FER: variants seen among roughly 807,000 people sequenced by gnomAD.
The protein encoded by FER is FER tyrosine kinase.
Under a neutral mutation model 111.0 loss-of-function variants are expected in FER, and 63 were observed. The observed-to-expected ratio is 0.57, with a 90% CI of 0.46 to 0.70. The LOEUF is 0.70. Among genes scored for constraint, FER ranks in the 30% least tolerant of loss-of-function variants. The pLI is 0.00. For synonymous variants in FER, 327 were observed against 313.9 expected (o/e 1.04, Z -0.44); for missense variants, 914 against 954.0 (o/e 0.96, Z 0.55).
chr5:108,996,507 T>G (rs1336303635), intron 13 of FER, among the ~76,000 whole-genome samples: 2 of 152,370 alleles, frequency 1.3e-5, no homozygotes, highest in East Asian at 1.9e-4. Context: ...AACACAATTA[T>G]TAAATAGGGA....
At chr5:108,987,362 CTT>C (rs1341068946) in intron 13 of FER, among the ~76,000 whole-genome samples, 8 of 152,186 alleles carry the variant, frequency 5.3e-5, no homozygotes, top group African/African-American at 1.9e-4. Context: ...AGGAGAATCG[CTT>C]GAACCTGGGA....
intron 1 of FER, among the ~76,000 whole-genome samples, chr5:108,751,602 A>G (rs190131839): frequency 6.6e-6 from 1 of 152,348 alleles, no homozygotes; most frequent in Admixed American, 6.5e-5. Context: ...AAATTTTGGT[A>G]ACTTGATAAA....
intron 17 of FER, among the ~76,000 whole-genome samples, chr5:109,165,807 G>C (rs1194510930): frequency 6.6e-6 from 1 of 152,132 alleles, no homozygotes; most frequent in Non-Finnish European, 1.5e-5. Flanking sequence ...TTAAAGTAAG[G>C]TGGAACTTGG....
intron 13 of FER, among the ~76,000 whole-genome samples, chr5:108,962,494 G>T (rs1363229464): frequency 1.3e-5 from 2 of 152,058 alleles, no homozygotes; most frequent in Non-Finnish European, 2.9e-5. Flanking sequence ...TATATTATAT[G>T]ATGTATTTTT....
At chr5:109,079,871 A>T (rs1397597260) in intron 16 of FER, among the ~76,000 whole-genome samples, 2 of 152,048 alleles carry the variant, frequency 1.3e-5, no homozygotes, top group Non-Finnish European at 2.9e-5. Flanking sequence ...TCCTGACCCC[A>T]TTTCTAGACT....
intron 16 of FER, among the ~76,000 whole-genome samples, chr5:109,082,122 C>T (rs1458323857): frequency 6.6e-6 from 1 of 151,914 alleles, no homozygotes; most frequent in African/African-American, 2.4e-5. Context: ...AAATAAGCAC[C>T]TATATTTTTT....
At chr5:108,920,764 A>T (rs187229408) in intron 10 of FER, among the ~76,000 whole-genome samples, 2 of 152,286 alleles carry the variant, frequency 1.3e-5, no homozygotes, top group African/African-American at 4.8e-5. Context: ...TCTGTATAAT[A>T]ACTTGAGTTA....
intron 16 of FER, among the ~76,000 whole-genome samples, chr5:109,095,184 C>A (rs1747345099): frequency 6.6e-6 from 1 of 152,018 alleles, no homozygotes; most frequent in Non-Finnish European, 1.5e-5. Context: ...AATTAGGAAA[C>A]CCACACATTC....
At chr5:108,989,709 TTGA>T (rs1233711026) in intron 13 of FER, among the ~76,000 whole-genome samples, 1 of 152,030 alleles carries the variant, frequency 6.6e-6, no homozygotes, top group Non-Finnish European at 1.5e-5. Context: ...CCATTGCATC[TTGA>T]TGATTAGTAT....
chr5:108,999,042 A>T (rs1195636314), intron 13 of FER, among the ~76,000 whole-genome samples: 1 of 152,154 alleles, frequency 6.6e-6, no homozygotes, highest in Non-Finnish European at 1.5e-5. Flanking sequence ...CTAACTTTTA[A>T]TTTTTTTCTA....
chr5:109,055,622 G>T (rs931374314), intron 16 of FER, among the ~76,000 whole-genome samples: 15 of 150,792 alleles, frequency 9.9e-5, no homozygotes, highest in African/African-American at 3.2e-4. Context: ...CTGTCTCTAT[G>T]ACTTTTTTTT....
At chr5:109,164,449 C>G (rs1353511564) in intron 17 of FER, among the ~76,000 whole-genome samples, 2 of 152,236 alleles carry the variant, frequency 1.3e-5, no homozygotes, top group African/African-American at 4.8e-5. Context: ...CTAATGCTGC[C>G]TACTCCATTT....
At position 109,012,523 on chromosome 5, in the gene FER, G is replaced by C. The variant is rs567829391; in HGVS notation, c.1657-24899G>C. On this transcript the variant is annotated intron_variant, in intron 13 of 19. Coordinates refer to ENST00000281092, the MANE Select transcript of FER (RefSeq NM_005246.4). The stretch of plus-strand genomic sequence containing the variant: ...CCACTTTTTATTGATTTGTTTCAAA[G>C]TAAAAGCTTTTATTTTTAAATCAAT... Among the ~76,000 whole-genome samples the C allele has an allele frequency of 5.3e-5, 8 of 152,244 alleles. No individual in the cohort carries two copies. The South Asian group carries it at 1.7e-3, about 32-fold the overall frequency.
chr5:108,898,832 G>A (rs1262710481), intron 10 of FER, among the ~76,000 whole-genome samples: 2 of 151,436 alleles, frequency 1.3e-5, no homozygotes, highest in African/African-American at 4.9e-5. Context: ...GATCTAGTGG[G>A]TAGAGATTGG....
At chr5:108,946,747 A>T (rs956956109) in intron 11 of FER, among the ~76,000 whole-genome samples, 2 of 152,034 alleles carry the variant, frequency 1.3e-5, no homozygotes, top group African/African-American at 4.8e-5. Context: ...TAGTAACAGC[A>T]GTTTGGCCAT....
chr5:109,187,152 TAGAGCAACTAA>T (rs1758968621), intron 19 of FER, among the ~76,000 whole-genome samples: 1 of 152,232 alleles, frequency 6.6e-6, no homozygotes, highest in Admixed American at 6.5e-5. Flanking sequence ...AGTGAATACT[TAGAGCAACTAA>T]AATATGCATT....
At chr5:109,014,717 T>C (rs1362286967) in intron 13 of FER, 3 of 152,250 alleles carry the variant, frequency 2.0e-5, no homozygotes, top group Non-Finnish European at 4.4e-5. Flanking sequence ...CCCATGAACA[T>C]GGAATATTCT....
intron 13 of FER, among the ~76,000 whole-genome samples, chr5:108,984,029 A>G (rs1371315901): frequency 6.6e-6 from 1 of 152,160 alleles, no homozygotes; most frequent in East Asian, 1.9e-4. Context: ...AAAACAAAAC[A>G]GACACGGTGC....
intron 17 of FER, among the ~76,000 whole-genome samples, chr5:109,139,405 C>G (rs1753282375): frequency 7.2e-6 from 1 of 139,420 alleles, no homozygotes; most frequent in African/African-American, 2.7e-5. Flanking sequence ...GGCTGGAGTG[C>G]AGTGGTGCGA....
Sources: gnomAD v4.1 joint callset for allele counts (sites outside exome capture counted in the v4.1 genomes callset) on GRCh38, gnomAD v4.1.1 for gene constraint, MANE v1.5 for transcripts, NCBI Gene and HGNC (gene_info 2026-07-23, HGNC 2026-07-21) for gene names.